Variants in SORCS2 observed in about 807,000 individuals in gnomAD.
SORCS2 encodes the protein VPS10 domain-containing receptor SorCS2.
In SORCS2, 100 loss-of-function variants were observed where a neutral mutation model predicts 141.6. The ratio of observed to expected loss-of-function variants is 0.71; its 90% CI spans 0.60 to 0.83. SORCS2 has a LOEUF of 0.83. SORCS2 is among the 40% of genes least tolerant of loss of function. SORCS2 has a pLI of 0.00. For synonymous variants in SORCS2, 789 were observed against 676.9 expected (o/e 1.17, Z -2.57); for missense variants, 1,646 against 1,560.2 (o/e 1.05, Z -0.93).
chr4:7,228,640 G>C (rs1711579803), intron 1 of SORCS2, among the ~76,000 whole-genome samples: 1 of 152,202 alleles, frequency 6.6e-6, no homozygotes, highest in Non-Finnish European at 1.5e-5. Flanking sequence ...TCCAGGTCCA[G>C]CTGTGGGAGC....
intron 3 of SORCS2, among the ~76,000 whole-genome samples, chr4:7,627,129 G>A (rs908586764): frequency 4.6e-5 from 7 of 152,064 alleles, no homozygotes; most frequent in Admixed American, 1.3e-4. Flanking sequence ...GGGACTACAC[G>A]TGCGTGCCAC....
intron 1 of SORCS2, among the ~76,000 whole-genome samples, chr4:7,214,107 G>A (rs1244479616): frequency 6.6e-6 from 1 of 152,188 alleles, no homozygotes; most frequent in Non-Finnish European, 1.5e-5. Flanking sequence ...TTCCAAAAAG[G>A]AAGCCAGCCT....
intron 2 of SORCS2, among the ~76,000 whole-genome samples, chr4:7,419,530 A>G (rs1225719100): frequency 6.6e-6 from 1 of 152,202 alleles, no homozygotes; most frequent in African/African-American, 2.4e-5. Context: ...CAGGCATCCA[A>G]TCCTCTGCCT....
At chr4:7,662,569 G>A (rs954909570) in intron 6 of SORCS2, among the ~76,000 whole-genome samples, 3 of 152,224 alleles carry the variant, frequency 2.0e-5, no homozygotes, top group African/African-American at 7.2e-5. Flanking sequence ...CCAGATGCCA[G>A]GGTTGCCCCT....
At chr4:7,374,108 ATTCTTTCTTTCTTTCTTTCCCTCT>A (rs202171222) in intron 1 of SORCS2, among the ~76,000 whole-genome samples, 18,967 of 144,852 alleles carry the variant, frequency 0.13, 1,908 homozygotes, top group East Asian at 0.23. Context: ...TAGGATTGAG[ATTCTTTCTTTCTTTCTTTCCCTCT>A]TTCTTTCTTT....
At chr4:7,703,945 T>C (rs1286006731) in intron 13 of SORCS2, among the ~76,000 whole-genome samples, 1 of 152,318 alleles carries the variant, frequency 6.6e-6, no homozygotes, top group East Asian at 1.9e-4. Flanking sequence ...GGAGGCAAAG[T>C]GTCTGTGTGG....
chr4:7,498,289 G>A (rs188917439), intron 2 of SORCS2, among the ~76,000 whole-genome samples: 3 of 152,360 alleles, frequency 2.0e-5, no homozygotes, highest in African/African-American at 7.2e-5. Context: ...CCAGTCCCCT[G>A]CCTTGGCTGA....
intron 1 of SORCS2, among the ~76,000 whole-genome samples, chr4:7,303,690 G>C (rs1210112135): frequency 6.6e-6 from 1 of 152,252 alleles, no homozygotes; most frequent in Non-Finnish European, 1.5e-5. Context: ...CCACCAGCCT[G>C]CTCCCCATTT....
At chr4:7,568,421 A>G (rs1715166142) in intron 3 of SORCS2, among the ~76,000 whole-genome samples, 2 of 152,222 alleles carry the variant, frequency 1.3e-5, no homozygotes, top group African/African-American at 4.8e-5. Flanking sequence ...TTTTTCTTTC[A>G]TTCTTCACCA....
chr4:7,694,441 G>C (rs775849704), intron 11 of SORCS2, among the ~76,000 whole-genome samples: 2 of 152,046 alleles, frequency 1.3e-5, no homozygotes, highest in African/African-American at 2.4e-5. Flanking sequence ...ACTGTTAGGT[G>C]ACAGGCAGCC....
rs147442084 is a variant in SORCS2 at position 7,561,994 on chromosome 4, A to G, written c.648+30365A>G. The stretch of plus-strand genomic sequence containing the variant: ...ATCCATCTACCCATCCGTCCCACAA[A>G]TATTTCTAGAGGACGTACTTGATCT... On this transcript the variant is annotated intron_variant, in intron 3 of 26. Coordinates refer to ENST00000507866, the MANE Select transcript of SORCS2 (RefSeq NM_020777.3). 5.9e-5 allele frequency among the ~76,000 whole-genome samples: 9 copies of G among 152,328 alleles called. No homozygotes were observed. In the East Asian group the frequency reaches 1.7e-3, roughly 29 times the overall value.
At chr4:7,413,391 CTTTT>C (rs34379092) in intron 2 of SORCS2, among the ~76,000 whole-genome samples, 3 of 84,822 alleles carry the variant, frequency 3.5e-5, no homozygotes, top group Non-Finnish European at 4.4e-5. Context: ...TTCACAGCTG[CTTTT>C]TTTTTTTTTT....
At chr4:7,216,825 G>A (rs763676849) in intron 1 of SORCS2, among the ~76,000 whole-genome samples, 8 of 152,062 alleles carry the variant, frequency 5.3e-5, no homozygotes, top group Non-Finnish European at 7.4e-5. Context: ...TGTCTTCTTG[G>A]GGGCTGAGAT....
intron 2 of SORCS2, among the ~76,000 whole-genome samples, chr4:7,460,632 G>A (rs1042186631): frequency 2.0e-5 from 3 of 152,222 alleles, no homozygotes; most frequent in African/African-American, 7.2e-5. Flanking sequence ...ATTGCATGCC[G>A]AGAGCTGTGT....
chr4:7,537,117 T>C (rs189348899), intron 3 of SORCS2, among the ~76,000 whole-genome samples: 3 of 152,306 alleles, frequency 2.0e-5, no homozygotes, highest in East Asian at 3.9e-4. Context: ...CCCGCTTGGC[T>C]GGGGGCTAGA....
In SORCS2 at chr4:7,420,950, G is replaced by A. The variant is rs528312329; in HGVS notation, c.548+24595G>A. The stretch of plus-strand genomic sequence containing the variant: ...CTGCCTGCCGTTGCAGGGGACAGCA[G>A]GGTGCCCAGTGCCCCACTCAGCACG... On this transcript the variant is annotated intron_variant, in intron 2 of 26. Transcript: ENST00000507866. 7.2e-5 allele frequency among the ~76,000 whole-genome samples: 11 copies of A among 152,318 alleles called. No homozygotes were observed. In the South Asian group the frequency reaches 2.3e-3, roughly 32 times the overall value.
intron 3 of SORCS2, among the ~76,000 whole-genome samples, chr4:7,534,116 G>A (rs1185742847): frequency 6.6e-6 from 1 of 152,214 alleles, no homozygotes; most frequent in African/African-American, 2.4e-5. Context: ...TGGGTCTGAT[G>A]GTGGCCTGGC....
intron 2 of SORCS2, among the ~76,000 whole-genome samples, chr4:7,420,918 G>A (rs1184092878): frequency 1.3e-5 from 2 of 152,142 alleles, no homozygotes; most frequent in African/African-American, 4.8e-5. Flanking sequence ...CTGCCCGCCT[G>A]TCTCCTCTGC....
chr4:7,372,742 G>T (rs907420349), intron 1 of SORCS2, among the ~76,000 whole-genome samples: 1 of 151,730 alleles, frequency 6.6e-6, no homozygotes, highest in South Asian at 2.1e-4. Context: ...TGTGGTCAAC[G>T]CCCCCACCCC....
Sources: gnomAD v4.1 joint callset for allele counts (sites outside exome capture counted in the v4.1 genomes callset) on GRCh38, gnomAD v4.1.1 for gene constraint, MANE v1.5 for transcripts, NCBI Gene and HGNC (gene_info 2026-07-23, HGNC 2026-07-21) for gene names.